The following TRPM7 variants were observed in gnomAD, a reference collection of about 807,000 sequenced individuals.
The protein encoded by TRPM7 is LTRPC ion channel family member 7.
TRPM7 carries 134 observed loss-of-function variants against 229.7 expected under a neutral mutation model. The ratio of observed to expected loss-of-function variants is 0.58; its 90% confidence interval spans 0.51 to 0.67. The LOEUF is 0.67. TRPM7 is among the 30% of genes least tolerant of loss of function. The pLI is 0.00. For missense variants in TRPM7, 1,901 were observed against 2,210.0 expected (o/e 0.86, Z 2.80); for synonymous variants, 699 against 715.2 (o/e 0.98, Z 0.36).
intron 1 of TRPM7, among the ~76,000 whole-genome samples, chr15:50,664,839 T>C (rs549922779): frequency 3.9e-5 from 6 of 152,202 alleles, no homozygotes; most frequent in Non-Finnish European, 4.4e-5. Context: ...TGCACACCTA[T>C]AGTCAGTCCC....
At chr15:50,657,248 C>G (rs2061600879) in intron 3 of TRPM7, among the ~76,000 whole-genome samples, 1 of 152,144 alleles carries the variant, frequency 6.6e-6, no homozygotes, top group Non-Finnish European at 1.5e-5. Flanking sequence ...TGCTTGAACC[C>G]ATGAGACAGA....
In TRPM7 at chr15:50,634,420, A is replaced by T; in HGVS notation, c.969T>A (p.Asp323Glu). The T allele has an allele frequency of 6.3e-7, 1 of 1,586,748 alleles. No homozygotes were observed. Among genetic ancestry groups the T allele is most frequent in the Non-Finnish European group, 8.6e-7 (1 of 1,168,784 alleles). ...TTTGTTTATGAATATACGCTAGCAGATCTGCAGCTCTGCCTGTTCCTTCAC... is the reference window on the plus strand; with the variant it reads ...TTTGTTTATGAATATACGCTAGCAGTTCTGCAGCTCTGCCTGTTCCTTCAC... ...VVCEGTGRAA[D>E]LLAYIHKQTE... Residue 323 changes from aspartate (D) to glutamate (E), a missense_variant, in exon 8 of 39, where the codon GAT (aspartate) becomes GAA (glutamate). Physicochemically the swap from Asp to Glu is conservative, Grantham distance 45. Around this residue, in one of 8 missense-constraint regions of TRPM7, gnomAD observed 794 missense variants for 881.9 expected, o/e 0.90. Coordinates refer to ENST00000646667, the MANE Select transcript of TRPM7 (RefSeq NM_017672.6).
chr15:50,586,851 TA>T (rs1280534327), intron 27 of TRPM7, among the ~76,000 whole-genome samples: 2 of 152,066 alleles, frequency 1.3e-5, no homozygotes, highest in Non-Finnish European at 2.9e-5. Flanking sequence ...ACCCCATCTC[TA>T]CTAAAAATAC....
At chr15:50,662,877 T>C (rs2061768011) in intron 2 of TRPM7, 90 bp downstream of exon 2, 1 of 896,948 alleles carries the variant, frequency 1.1e-6, no homozygotes, top group Non-Finnish European at 1.8e-6. Context: ...AAATAATTTA[T>C]TTAGTGGTTT....
At chr15:50,620,462 T>C (rs2140541841) in intron 12 of TRPM7, among the ~76,000 whole-genome samples, 1 of 152,308 alleles carries the variant, frequency 6.6e-6, no homozygotes, top group African/African-American at 2.4e-5. Context: ...TGCCATTATC[T>C]TACTTCTCTT....
At chr15:50,601,168 A>C (rs1596153255) in intron 21 of TRPM7, among the ~76,000 whole-genome samples, 1 of 152,234 alleles carries the variant, frequency 6.6e-6, no homozygotes, top group Non-Finnish European at 1.5e-5. Flanking sequence ...ATGAAACGCA[A>C]ATCTGTATTG....
chr15:50,661,710 T>C (rs1012284165), intron 2 of TRPM7, among the ~76,000 whole-genome samples: 2 of 152,140 alleles, frequency 1.3e-5, no homozygotes, highest in Admixed American at 1.3e-4. Flanking sequence ...GAGTTATATA[T>C]CTAACAGAAA....
chr15:50,607,306 A>G lies in TRPM7; in HGVS notation c.2603T>C (p.Met868Thr). 6.3e-7 allele frequency: 1 copy of G among 1,588,676 alleles called. No individual in the cohort carries two copies. The highest frequency in any genetic ancestry group is 8.6e-7 in the Non-Finnish European group (1 of 1,169,316). Residue 868 changes from methionine (M) to threonine (T), a missense_variant, in exon 20 of 39, where the codon ATG becomes ACG. Physicochemically the swap from Met to Thr is moderately conservative, Grantham distance 81. Coordinates refer to ENST00000646667, the MANE Select transcript of TRPM7 (RefSeq NM_017672.6). ...FNTLAYLGFL[M>T]LYTFVVLVQM... ...TACAAGAACCACAAATGTATAAAGC[A>G]TCAGAAATCCTAAATATGCCAACTA... is the stretch of plus-strand genomic sequence containing the variant.
rs2062184777 is a variant in TRPM7, at chr15:50,679,511, A to AT, written c.3+7019_3+7020insA. ...ATATTATATATATGTGTATATATAT[A>AT]ATATATATATATATATATATATATA... On this transcript the variant is annotated intron_variant, in intron 1 of 38. Coordinates refer to ENST00000646667, the MANE Select transcript of TRPM7 (RefSeq NM_017672.6). Among the ~76,000 whole-genome samples, 24 of 75,458 alleles carry AT rather than the reference A, an allele frequency of 3.2e-4. 2 individuals carry two copies. Among genetic ancestry groups the AT allele is most frequent in the African/African-American group, 1.3e-3 (19 of 14,108 alleles). 49.5% of individuals were successfully genotyped at this position (75,458 alleles called of 152,430 possible). A position where few individuals can be genotyped will look rare whatever the true frequency, so the allele number is the denominator to read the frequency against.
chr15:50,619,895 G>T, intron 12 of TRPM7, 97 bp from the exon 13 acceptor site: 1 of 1,035,952 alleles, frequency 9.7e-7, no homozygotes, highest in Non-Finnish European at 1.4e-6. Context: ...AAATTACATT[G>T]TTTTGGAGTT....
At chr15:50,639,229 C>T (rs2061012941) in intron 6 of TRPM7, among the ~76,000 whole-genome samples, 195 bp downstream of exon 6, 1 of 152,098 alleles carries the variant, frequency 6.6e-6, no homozygotes, top group Non-Finnish European at 1.5e-5. Context: ...TATTTATGAA[C>T]TTAATTATTT....
chr15:50,686,425 T>C, intron 1 of TRPM7, 106 bp downstream of exon 1: 2 of 1,589,490 alleles, frequency 1.3e-6, no homozygotes, highest in Non-Finnish European at 8.6e-7. Context: ...TCGAGGGTCC[T>C]TCGCCGCATG....
At position 50,659,126 on chromosome 15, in the gene TRPM7, AG is replaced by A. The variant is rs552237201; in HGVS notation, c.84-1308del. ...GGAAAGAGAATGGCCTGAACCCAGG[AG>A]GCAGAGCTTGCAGTGAGACTACGCC... On this transcript the variant is annotated intron_variant, in intron 2 of 38. Coordinates refer to ENST00000646667, the MANE Select transcript of TRPM7 (RefSeq NM_017672.6). Among the ~76,000 whole-genome samples the A allele has an allele frequency of 8.0e-4, 121 of 151,742 alleles. 1 individual carries two copies. Among genetic ancestry groups the A allele is most frequent in the African/African-American group, 2.9e-3 (118 of 41,370 alleles).
In TRPM7 at chr15:50,593,738, T is replaced by C; in HGVS notation, c.3487A>G (p.Thr1163Ala). 6.2e-7 allele frequency: 1 copy of C among 1,608,178 alleles called. No individual in the cohort carries two copies. The highest frequency in any genetic ancestry group is 8.5e-7 in the Non-Finnish European group (1 of 1,178,496). Residue 1163 changes from threonine to alanine, a missense_variant, in exon 25 of 39, where the codon ACA becomes GCA. Around this residue, in one of 8 missense-constraint regions of TRPM7, gnomAD observed 533 missense variants for 497.1 expected, o/e 1.07. Coordinates refer to ENST00000646667, the MANE Select transcript of TRPM7 (RefSeq NM_017672.6). ...TGAAGTTTCTTTTGATCTTCTTCTG[T>C]TAAGAAAAGTTCTATGGGAGGAAAA... is the stretch of plus-strand genomic sequence containing the variant. ...KTSDGPKLFL[T>A]EEDQKKLHDF...
At chr15:50,672,867 C>G (rs1308529137) in intron 1 of TRPM7, among the ~76,000 whole-genome samples, 1 of 128,452 alleles carries the variant, frequency 7.8e-6, no homozygotes, top group Admixed American at 9.7e-5. Context: ...CCACTGCACT[C>G]CAGCCAGGGT....
chr15:50,589,319 CAAAAAAAA>C (rs34653276), intron 27 of TRPM7, among the ~76,000 whole-genome samples: 1 of 81,616 alleles, frequency 1.2e-5, no homozygotes, highest in African/African-American at 4.5e-5. Context: ...GACTCCGTCT[CAAAAAAAA>C]AAAAAAAAAA....
chr15:50,568,410 G>C (rs150559369), intron 38 of TRPM7, among the ~76,000 whole-genome samples: 2 of 151,466 alleles, frequency 1.3e-5, no homozygotes, highest in East Asian at 1.9e-4. Flanking sequence ...TCCTAAAAAA[G>C]AGTTAAGTAA....
intron 2 of TRPM7, among the ~76,000 whole-genome samples, chr15:50,661,877 T>C (rs1258669523): frequency 6.6e-6 from 1 of 152,204 alleles, no homozygotes; most frequent in East Asian, 1.9e-4. Context: ...AGGAAATAAC[T>C]ATATCTTAGA....
intron 5 of TRPM7, among the ~76,000 whole-genome samples, chr15:50,641,593 T>A (rs1486953974): frequency 6.6e-6 from 1 of 152,158 alleles, no homozygotes; most frequent in Non-Finnish European, 1.5e-5. Context: ...TACTGAGTTA[T>A]CTGTTTCTTA....
Sources: gnomAD v4.1 joint callset for allele counts (sites outside exome capture counted in the v4.1 genomes callset) on GRCh38, gnomAD v4.1.1 for gene constraint, gnomAD v4.1.1 regional missense constraint, MANE v1.5 for transcripts, NCBI Gene and HGNC (gene_info 2026-07-23, HGNC 2026-07-21) for gene names.